The following ADPRHL1 variants were observed in gnomAD, a reference collection of about 807,000 sequenced individuals.
ADPRHL1 encodes the protein ADP-ribosylhydrolase like 1, also known as inactive ADP-ribosyltransferase ARH2.
Under a neutral mutation model 44.1 loss-of-function variants are expected in ADPRHL1, and 43 were observed. The observed-to-expected ratio is 0.98, with a 90% confidence interval of 0.76 to 1.26. The LOEUF (loss-of-function observed/expected upper bound fraction) is 1.26. Ranked by LOEUF, ADPRHL1 falls within the 50% of genes most tolerant of loss-of-function variation. The pLI is 0.00. For synonymous variants in ADPRHL1, 878 were observed against 1,017.4 expected (o/e 0.86, Z 2.61); for missense variants, 2,022 against 2,496.9 (o/e 0.81, Z 4.05).
intron 7 of ADPRHL1, chr13:113,410,198 C>G: frequency 1.1e-6 from 1 of 901,780 alleles, no homozygotes; most frequent in Non-Finnish European, 1.3e-6. Context: ...CTTCCCCCAC[C>G]TTCCCGAGAC....
In ADPRHL1 at chr13:113,426,907, G is replaced by A. The variant is rs140258232; in HGVS notation, c.647-1728C>T. On this transcript the variant is annotated intron_variant, in intron 4 of 7. Coordinates refer to ENST00000612156, the MANE Select transcript of ADPRHL1 (RefSeq NM_001394807.1). ...CACTGCAGAGGGCCGTGTCAGGTGG[G>A]CTGGTCAGAAGCCCAGAGCAGTGTT... is the stretch of plus-strand genomic sequence containing the variant. Among the ~76,000 whole-genome samples, 397 of 152,370 alleles carry A rather than the reference G, an allele frequency of 2.6e-3. 2 individuals carry two copies. Among genetic ancestry groups the A allele is most frequent in the Non-Finnish European group, 4.2e-3 (287 of 68,042 alleles).
intron 1 of ADPRHL1, among the ~76,000 whole-genome samples, chr13:113,444,895 T>C (rs1178392472): frequency 6.6e-6 from 1 of 152,200 alleles, no homozygotes; most frequent in Non-Finnish European, 1.5e-5. Flanking sequence ...AGTGCTGGGA[T>C]TACAGGCGTG....
chr13:113,410,094 C>T (rs1024727238), intron 7 of ADPRHL1: 29 of 985,394 alleles, frequency 2.9e-5, no homozygotes, highest in Admixed American at 1.2e-4. Flanking sequence ...CACATGACCA[C>T]GTAGCCGTGT....
intron 7 of ADPRHL1, among the ~76,000 whole-genome samples, chr13:113,417,769 T>C (rs1382718959): frequency 6.6e-6 from 1 of 152,262 alleles, no homozygotes; most frequent in East Asian, 1.9e-4. Flanking sequence ...CAGGGAAGCT[T>C]CTGTGTGTTA....
intron 6 of ADPRHL1, among the ~76,000 whole-genome samples, chr13:113,423,294 G>C (rs2043940323): frequency 6.6e-6 from 1 of 152,230 alleles, no homozygotes; most frequent in Admixed American, 6.5e-5. Flanking sequence ...AACAGGAGGG[G>C]GACAGGCGCT....
rs771947432 is a variant in ADPRHL1, at chr13:113,425,229, G to A, written c.647-50C>T. The A allele has an allele frequency of 2.5e-6, 4 of 1,572,652 alleles. No individual in the cohort carries two copies. In the Admixed American group the frequency reaches 7.0e-5, roughly 28 times the overall value. ...TGAACACAATGGCATCCATGGAGTGGGGCGGGTGCAGGGAGTTGGGGGTGG... is the reference window on the plus strand; with the variant it reads ...TGAACACAATGGCATCCATGGAGTGAGGCGGGTGCAGGGAGTTGGGGGTGG... On this transcript the variant is annotated intron_variant, in intron 4 of 7. Transcript: ENST00000612156.
intron 7 of ADPRHL1, chr13:113,410,085 A>C (rs1013467998): frequency 5.1e-6 from 5 of 985,396 alleles, no homozygotes; most frequent in Non-Finnish European, 4.8e-6. Flanking sequence ...GCGGCTGACC[A>C]CATGACCACG....
Position 113,409,356 on chromosome 13 carries a change from T to C in ADPRHL1, c.1062-1136A>G. The stretch of plus-strand genomic sequence containing the variant: ...CACCCAGAATCTTAGCTGTCACACC[T>C]GTTAGTCATTCATTCTAAGGAGATC... On this transcript the variant is annotated intron_variant, in intron 7 of 7. Transcript: ENST00000612156. The surrounding 1 kb of genome is among the most constrained non-coding windows in gnomAD (Gnocchi z 4.2). The C allele has an allele frequency of 1.0e-6, 1 of 985,378 alleles. No individual in the cohort carries two copies. Among genetic ancestry groups the C allele is most frequent in the African/African-American group, 1.7e-5 (1 of 57,338 alleles). 61.0% of individuals were successfully genotyped at this position (985,378 alleles called of 1,614,324 possible).
chr13:113,415,347 C>T (rs2043881771), intron 7 of ADPRHL1, among the ~76,000 whole-genome samples: 1 of 152,216 alleles, frequency 6.6e-6, no homozygotes, highest in Admixed American at 6.5e-5. Flanking sequence ...AAGTGGCCTC[C>T]ATGGCCCAGC....
At chr13:113,415,353 C>T (rs1424268098) in intron 7 of ADPRHL1, among the ~76,000 whole-genome samples, 1 of 152,194 alleles carries the variant, frequency 6.6e-6, no homozygotes, top group Non-Finnish European at 1.5e-5. Context: ...CCTCCATGGC[C>T]CAGCTGCTCT....
At chr13:113,429,862 C>A (rs1211086334) in intron 3 of ADPRHL1, among the ~76,000 whole-genome samples, 2 of 152,238 alleles carry the variant, frequency 1.3e-5, no homozygotes, top group African/African-American at 4.8e-5. Context: ...CAGAGCTCAT[C>A]TTATAGGCAC....
rs1012061834 is a variant in ADPRHL1 at position 113,425,328 on chromosome 13, C to T, written c.647-149G>A. 201 of 741,002 alleles carry T rather than the reference C, an allele frequency of 2.7e-4. 1 individual carries two copies. In the East Asian group the frequency reaches 4.8e-3, roughly 18 times the overall value. The allele number at this position is 741,002 out of a possible 1,614,324, so 45.9% of individuals were successfully genotyped here. A position where few individuals can be genotyped will look rare whatever the true frequency, so the allele number is the denominator to read the frequency against. The stretch of plus-strand genomic sequence containing the variant: ...CCCAGCTGCAGGCATGTGGAGAAGC[C>T]GAGCACCTGTCCTGGAGTAAACAAC... On this transcript the variant is annotated intron_variant, in intron 4 of 7. Transcript: ENST00000612156.
rs961339289 is a variant in ADPRHL1, at chr13:113,449,047, G to A, written c.214+4177C>T. On this transcript the variant is annotated intron_variant, in intron 1 of 7. Coordinates refer to ENST00000612156, the MANE Select transcript of ADPRHL1 (RefSeq NM_001394807.1). Reference sequence around the variant, plus strand: ...TTGGTGATAATGCGCTGGCAACATGGGCTTGTCGTTTCAGGGCCATGGATG... The same window carrying A: ...TTGGTGATAATGCGCTGGCAACATGAGCTTGTCGTTTCAGGGCCATGGATG... 3 of 987,266 alleles carry A rather than the reference G, an allele frequency of 3.0e-6. No homozygotes were observed. In the East Asian group the frequency reaches 3.4e-4, roughly 112 times the overall value. The allele number at this position is 987,266 out of a possible 1,614,324, so 61.2% of individuals were successfully genotyped here.
chr13:113,415,577 C>T (rs1175650846), intron 7 of ADPRHL1, among the ~76,000 whole-genome samples: 4 of 151,980 alleles, frequency 2.6e-5, no homozygotes, highest in African/African-American at 4.8e-5. Flanking sequence ...AGGGTGAAAC[C>T]GCAACTCTAC....
chr13:113,418,880 G>A (rs948785354), intron 7 of ADPRHL1, among the ~76,000 whole-genome samples: 4 of 151,724 alleles, frequency 2.6e-5, no homozygotes, highest in Non-Finnish European at 5.9e-5. Flanking sequence ...CAAGAGATGC[G>A]GATCCACAGG....
chr13:113,412,850 CA>C (rs1461165729), intron 7 of ADPRHL1, among the ~76,000 whole-genome samples: 11 of 71,122 alleles, frequency 1.5e-4, no homozygotes, highest in Non-Finnish European at 2.0e-4. Flanking sequence ...CAGCGCCCCG[CA>C]GAGCTCGGTT....
chr13:113,406,755 T>G lies in ADPRHL1; in HGVS notation c.2527A>C (p.Ile843Leu), dbSNP rs1390737078. The change falls in exon 8 of 8, where the codon ATA becomes CTA. Residue 843 changes from isoleucine to leucine, a missense_variant. This residue lies in a region of ADPRHL1 where 1,221 missense variants were observed against 1,517.8 expected (regional missense o/e 0.80). Transcript: ENST00000612156. ...RTQPATEPPRITVQIPVVHEM... is the reference protein window; with the variant it reads ...RTQPATEPPRLTVQIPVVHEM... ...TGGACAACTGGAATTTGGACAGTTA[T>G]CCGTGGAGGCTCCGTGGCAGGCTGT... The G allele has an allele frequency of 6.5e-6, 8 of 1,231,890 alleles. No individual in the cohort carries two copies. The highest frequency in any genetic ancestry group is 1.6e-5 in the African/African-American group (1 of 64,418). The allele number at this position is 1,231,890 out of a possible 1,614,324, so 76.3% of individuals were successfully genotyped here.
Position 113,405,169 on chromosome 13 carries a change from G to A in ADPRHL1, c.4113C>T (p.Pro1371=). The A allele has an allele frequency of 8.1e-7, 1 of 1,231,964 alleles. No homozygotes were observed. Among genetic ancestry groups the A allele is most frequent in the Non-Finnish European group, 1.0e-6 (1 of 988,128 alleles). 76.3% of individuals were successfully genotyped at this position (1,231,964 alleles called of 1,614,324 possible). ...GCCTCCCCAGGTCCGCCTGTGTCAG[G>A]GGACGCTCCTGGGATTCACCTGCCT... ...RTQAGESQER[P]LTQADLGRQQ... Residue 1371 remains proline, a synonymous_variant, in exon 8 of 8, where the codon CCC becomes CCT. Coordinates refer to ENST00000612156, the MANE Select transcript of ADPRHL1 (RefSeq NM_001394807.1).
rs1481636685 is a variant in ADPRHL1 at position 113,444,560 on chromosome 13, C to T, written c.244G>A (p.Glu82Lys). ...ATTTCCACATAGCATCTCACCATCT[C>T]CCGGTACAGATCATCCAGGCACCAG... ...DYWCLDDLYR[E>K]MVRCYVEIVE... Residue 82 changes from glutamate (E) to lysine (K), a missense_variant, in exon 2 of 8, where the codon GAG (glutamate) becomes AAG (lysine). Glu to Lys is a moderately conservative substitution (Grantham distance 56). Around this residue, in one of 8 missense-constraint regions of ADPRHL1, gnomAD observed 437 missense variants for 430.7 expected, o/e 1.01. Transcript: ENST00000612156. 1.2e-6 allele frequency: 2 copies of T among 1,614,052 alleles called. No homozygotes were observed. Among genetic ancestry groups the T allele is most frequent in the East Asian group, 2.2e-5 (1 of 44,904 alleles).
Sources: allele counts gnomAD v4.1 joint callset (sites outside exome capture counted in the v4.1 genomes callset), GRCh38; gene constraint gnomAD v4.1.1; regional missense constraint gnomAD v4.1.1; non-coding constraint Gnocchi (gnomAD v3.1); transcripts MANE v1.5; gene names NCBI Gene and HGNC (gene_info 2026-07-23, HGNC 2026-07-21).